Variants in TBC1D22A observed in about 807,000 individuals in gnomAD.
TBC1D22A encodes putative GTPase activator.
A neutral mutation model predicts 60.2 loss-of-function variants in TBC1D22A; 38 were observed. The ratio of observed to expected loss-of-function variants is 0.63; its 90% CI spans 0.49 to 0.83. TBC1D22A has a LOEUF of 0.83. Among genes scored for constraint, TBC1D22A ranks in the 40% least tolerant of loss-of-function variants. TBC1D22A has a pLI of 0.00. For synonymous variants in TBC1D22A, 302 were observed against 281.7 expected, an observed-to-expected ratio of 1.07 and a Z score of -0.72; for missense variants, 628 against 701.0, an observed-to-expected ratio of 0.90 and a Z score of 1.18.
chr22:46,850,414 T>G (rs2087217951), intron 4 of TBC1D22A, among the ~76,000 whole-genome samples: 1 of 152,184 alleles, frequency 6.6e-6, no homozygotes, highest in Non-Finnish European at 1.5e-5. Context: ...GGTTTAAAAC[T>G]AGATCCAAAA....
chr22:47,040,384 A>G (rs1479130818), intron 11 of TBC1D22A, among the ~76,000 whole-genome samples: 1 of 152,164 alleles, frequency 6.6e-6, no homozygotes, highest in East Asian at 1.9e-4. Flanking sequence ...TGGGGATTAC[A>G]ATTAGACATG....
chr22:47,064,505 A>C (rs562759917), intron 11 of TBC1D22A, among the ~76,000 whole-genome samples: 11 of 152,356 alleles, frequency 7.2e-5, no homozygotes, highest in African/African-American at 2.6e-4. Flanking sequence ...GTGGTAGTAC[A>C]TTTTCAGAAA....
At chr22:47,062,087 C>CAAAAAAAAAAAAAAAAAAA (rs908701365) in intron 11 of TBC1D22A, among the ~76,000 whole-genome samples, 4 of 63,006 alleles carry the variant, frequency 6.3e-5, no homozygotes, top group African/African-American at 2.9e-4. Context: ...GACTCCATCT[C>CAAAAAAAAAAAAAAAAAAA]AAAAAAAAAA....
chr22:47,172,127 A>G (rs1737318196), intron 12 of TBC1D22A, among the ~76,000 whole-genome samples: 1 of 136,302 alleles, frequency 7.3e-6, no homozygotes, highest in Non-Finnish European at 1.7e-5. Flanking sequence ...GTGCCCAGTG[A>G]GCCCAGTGAG....
At chr22:46,774,728 C>A (rs532342770) in intron 1 of TBC1D22A, among the ~76,000 whole-genome samples, 1 of 152,144 alleles carries the variant, frequency 6.6e-6, no homozygotes. Flanking sequence ...GAGCCCTTTC[C>A]GGCTTCGGGG....
chr22:46,938,812 C>T (rs2071815354), intron 8 of TBC1D22A, among the ~76,000 whole-genome samples: 1 of 152,006 alleles, frequency 6.6e-6, no homozygotes, highest in African/African-American at 2.4e-5. Context: ...TCTCGAACTC[C>T]CGACCTGAGG....
At chr22:47,024,944 C>T (rs1404135087) in intron 10 of TBC1D22A, among the ~76,000 whole-genome samples, 2 of 152,148 alleles carry the variant, frequency 1.3e-5, no homozygotes, top group Non-Finnish European at 2.9e-5. Flanking sequence ...ATGCTAACAC[C>T]AATCTAAAGA....
chr22:46,965,675 C>G (rs574918618), intron 8 of TBC1D22A, among the ~76,000 whole-genome samples: 25 of 152,368 alleles, frequency 1.6e-4, no homozygotes, highest in Admixed American at 3.3e-4. Flanking sequence ...CTAATACACA[C>G]AGGCAGAGCC....
At chr22:46,901,725 T>C (rs1464461499) in intron 7 of TBC1D22A, among the ~76,000 whole-genome samples, 2 of 152,234 alleles carry the variant, frequency 1.3e-5, no homozygotes, top group African/African-American at 4.8e-5. Flanking sequence ...GGGATGTTCC[T>C]TGAATCATGT....
At chr22:47,157,608 C>T (rs191884069) in intron 12 of TBC1D22A, among the ~76,000 whole-genome samples, 50 of 152,346 alleles carry the variant, frequency 3.3e-4, no homozygotes, top group East Asian at 2.5e-3. Flanking sequence ...CATGGCTCCT[C>T]GCTTCAGAGC....
intron 11 of TBC1D22A, among the ~76,000 whole-genome samples, chr22:47,066,186 A>G (rs1368381328): frequency 6.6e-6 from 1 of 152,188 alleles, no homozygotes; most frequent in Non-Finnish European, 1.5e-5. Flanking sequence ...GGTACAGCTC[A>G]CAGGCGTTTC....
At chr22:46,884,606 T>A (rs141630422) in intron 5 of TBC1D22A, among the ~76,000 whole-genome samples, 1 of 152,332 alleles carries the variant, frequency 6.6e-6, no homozygotes, top group Non-Finnish European at 1.5e-5. Flanking sequence ...CACCCTGGGC[T>A]TGGTGGCCCC....
rs59083403 is a variant in TBC1D22A, at chr22:46,938,505, AT to A, written c.1015+26326del. ...GGCTGCATGATCACATCTTAATGGT[AT>A]TTTTTTTTATCTTTATCTGGAAACA... is the stretch of plus-strand genomic sequence containing the variant. On this transcript the variant is annotated intron_variant, in intron 8 of 12. Transcript: ENST00000337137. 2.2e-4 allele frequency among the ~76,000 whole-genome samples: 33 copies of A among 150,120 alleles called. No homozygotes were observed. The South Asian group carries it at 2.5e-3, about 12-fold the overall frequency.
chr22:47,130,511 G>A (rs955883237), intron 12 of TBC1D22A, among the ~76,000 whole-genome samples: 5 of 152,322 alleles, frequency 3.3e-5, no homozygotes, highest in Middle Eastern at 6.8e-3. Context: ...GGTGGAGGTG[G>A]AAGCCACTTC....
At chr22:46,852,939 T>G (rs1206845613) in intron 4 of TBC1D22A, among the ~76,000 whole-genome samples, 1 of 152,194 alleles carries the variant, frequency 6.6e-6, no homozygotes, top group Non-Finnish European at 1.5e-5. Context: ...GAGCCTGGTT[T>G]GGGTCCCCTG....
intron 11 of TBC1D22A, among the ~76,000 whole-genome samples, chr22:47,042,304 C>A (rs899620164): frequency 1.3e-5 from 2 of 152,204 alleles, no homozygotes; most frequent in Non-Finnish European, 2.9e-5. Flanking sequence ...CACTGCCAGT[C>A]CACATCTCTG....
At chr22:46,782,351 C>T (rs2083976331) in intron 1 of TBC1D22A, among the ~76,000 whole-genome samples, 1 of 152,218 alleles carries the variant, frequency 6.6e-6, no homozygotes, top group South Asian at 2.1e-4. Flanking sequence ...CCGTGCCCAG[C>T]CGGACTTGGA....
At chr22:47,086,197 G>T (rs1033068969) in intron 11 of TBC1D22A, among the ~76,000 whole-genome samples, 1 of 152,226 alleles carries the variant, frequency 6.6e-6, no homozygotes, top group East Asian at 1.9e-4. Context: ...GAGCGCGGTG[G>T]CTCATGCCTG....
chr22:47,011,154 G>A (rs1039239664), intron 10 of TBC1D22A, among the ~76,000 whole-genome samples: 6 of 152,162 alleles, frequency 3.9e-5, no homozygotes, highest in Admixed American at 3.3e-4. Flanking sequence ...TGCTTCCAGC[G>A]CTGCCCATCC....
Sources: gnomAD v4.1 joint callset for allele counts (sites outside exome capture counted in the v4.1 genomes callset) on GRCh38, gnomAD v4.1.1 for gene constraint, MANE v1.5 for transcripts, NCBI Gene and HGNC (gene_info 2026-07-23, HGNC 2026-07-21) for gene names.